The following EBF1 variants were observed in gnomAD, a reference collection of about 807,000 sequenced individuals.
The protein encoded by EBF1 is EBF transcription factor 1, also known as transcription factor COE1.
A neutral mutation model predicts 68.4 loss-of-function variants in EBF1; 10 were observed. The observed-to-expected ratio is 0.15, with a 90% CI of 0.09 to 0.25. The LOEUF (loss-of-function observed/expected upper bound fraction) is 0.25. Ranked by LOEUF, EBF1 falls within the 10% of genes least tolerant of loss-of-function variation. The pLI is 1.00. For missense variants in EBF1, 509 were observed against 794.4 expected (o/e 0.64, Z 4.32); for synonymous variants, 298 against 299.8 (o/e 0.99, Z 0.06).
intron 5 of EBF1, among the ~76,000 whole-genome samples, chr5:159,077,529 A>C (rs1778989402): frequency 6.6e-6 from 1 of 152,074 alleles, no homozygotes; most frequent in African/African-American, 2.4e-5. Flanking sequence ...TGTATTTTAT[A>C]TTCATTTGTC....
At chr5:158,771,568 T>C (rs1006476524) in intron 10 of EBF1, among the ~76,000 whole-genome samples, 3 of 152,088 alleles carry the variant, frequency 2.0e-5, no homozygotes, top group African/African-American at 7.2e-5. Context: ...CCCTTCAACA[T>C]AGTGTATAAA....
intron 10 of EBF1, among the ~76,000 whole-genome samples, chr5:158,763,042 T>A (rs1341307287): frequency 6.6e-6 from 1 of 152,206 alleles, no homozygotes; most frequent in Non-Finnish European, 1.5e-5. Flanking sequence ...TTATCCCTGA[T>A]GACCATCATC....
At chr5:158,943,331 TAC>T (rs59821779) in intron 6 of EBF1, among the ~76,000 whole-genome samples, 10,028 of 149,164 alleles carry the variant, frequency 0.067, 1,041 homozygotes, top group African/African-American at 0.23. Flanking sequence ...GTTTATTGGA[TAC>T]ACACACACAC....
intron 6 of EBF1, among the ~76,000 whole-genome samples, chr5:159,056,590 G>A (rs936865990): frequency 2.0e-5 from 3 of 152,124 alleles, no homozygotes; most frequent in Admixed American, 2.0e-4. Flanking sequence ...TCGGGCTTAG[G>A]CAAAACTGTA....
Position 158,700,017 on chromosome 5 carries a change from C to A in EBF1, c.1745-875G>T, listed in dbSNP as rs74520355. 1.0e-2 allele frequency among the ~76,000 whole-genome samples: 1,523 copies of A among 152,318 alleles called. 17 individuals carry two copies. Among genetic ancestry groups the A allele is most frequent in the Non-Finnish European group, 0.017 (1,128 of 68,014 alleles). On this transcript the variant is annotated intron_variant, in intron 15 of 15. Coordinates refer to ENST00000313708, the MANE Select transcript of EBF1 (RefSeq NM_024007.5). The stretch of plus-strand genomic sequence containing the variant: ...AGCTCAGCTTCTGTAGCTAGAATCA[C>A]AGCAACACTTAGGGTTATTGGAGAG...
At chr5:158,718,300 T>C (rs1761190241) in intron 11 of EBF1, among the ~76,000 whole-genome samples, 1 of 152,174 alleles carries the variant, frequency 6.6e-6, no homozygotes, top group East Asian at 1.9e-4. Context: ...CTTTGTCCAG[T>C]CATCTCTCCC....
At chr5:158,808,157 C>A (rs1446546409) in intron 8 of EBF1, among the ~76,000 whole-genome samples, 1 of 152,104 alleles carries the variant, frequency 6.6e-6, no homozygotes, top group Non-Finnish European at 1.5e-5. Flanking sequence ...GAATATGTAT[C>A]ATTGACTTTG....
At chr5:159,031,684 G>A (rs541833408) in intron 6 of EBF1, among the ~76,000 whole-genome samples, 10 of 152,238 alleles carry the variant, frequency 6.6e-5, no homozygotes, top group East Asian at 5.8e-4. Context: ...ATAAAGCACC[G>A]GTGATTTAGA....
intron 11 of EBF1, among the ~76,000 whole-genome samples, chr5:158,724,561 T>A (rs374903353): frequency 6.6e-6 from 1 of 152,242 alleles, no homozygotes; most frequent in East Asian, 1.9e-4. Context: ...GAATACATTG[T>A]ATACAGCCAA....
At chr5:158,712,006 CT>C in intron 14 of EBF1, 147 bp downstream of exon 14, 1 of 914,738 alleles carries the variant, frequency 1.1e-6, no homozygotes, top group Non-Finnish European at 1.6e-6. Context: ...ACGATGGTGC[CT>C]TTAGCACCAT....
intron 6 of EBF1, among the ~76,000 whole-genome samples, chr5:158,924,850 CT>C (rs1809285385): frequency 1.4e-5 from 1 of 73,326 alleles, no homozygotes; most frequent in African/African-American, 8.0e-5. Context: ...GAGACTCTGT[CT>C]CAAAAAAAAA....
At chr5:158,950,432 T>C (rs892951741) in intron 6 of EBF1, among the ~76,000 whole-genome samples, 1 of 152,186 alleles carries the variant, frequency 6.6e-6, no homozygotes, top group Non-Finnish European at 1.5e-5. Flanking sequence ...AAGCTTTCCA[T>C]TGACTACTGC....
At chr5:158,864,767 A>G (rs1795578514) in intron 6 of EBF1, among the ~76,000 whole-genome samples, 1 of 152,172 alleles carries the variant, frequency 6.6e-6, no homozygotes, top group Non-Finnish European at 1.5e-5. Flanking sequence ...GGCAAGAAGG[A>G]GCCCAGCCAT....
chr5:159,027,252 T>C (rs921876880), intron 6 of EBF1, among the ~76,000 whole-genome samples: 32 of 152,174 alleles, frequency 2.1e-4, no homozygotes, highest in African/African-American at 6.5e-4. Flanking sequence ...TTGAACACTT[T>C]TCAGAGAGCT....
At chr5:158,764,547 A>G (rs1772218582) in intron 10 of EBF1, among the ~76,000 whole-genome samples, 1 of 152,206 alleles carries the variant, frequency 6.6e-6, no homozygotes, top group Admixed American at 6.5e-5. Context: ...GAGAAAGACA[A>G]GGACACGGCC....
chr5:158,951,104 C>T (rs1215924086), intron 6 of EBF1, among the ~76,000 whole-genome samples: 1 of 152,166 alleles, frequency 6.6e-6, no homozygotes, highest in East Asian at 1.9e-4. Flanking sequence ...CTTTGCAATC[C>T]CTGAACTCTC....
At chr5:158,837,556 A>G (rs1458116974) in intron 7 of EBF1, among the ~76,000 whole-genome samples, 1 of 152,224 alleles carries the variant, frequency 6.6e-6, no homozygotes, top group East Asian at 1.9e-4. Flanking sequence ...GTGCCTCCTC[A>G]TCTCAGCAGC....
chr5:158,976,541 G>A (rs931531501), intron 6 of EBF1, among the ~76,000 whole-genome samples: 1 of 143,042 alleles, frequency 7.0e-6, no homozygotes, highest in Non-Finnish European at 1.5e-5. Context: ...AGAAAAGAAA[G>A]TATTGATCAC....
In EBF1 at chr5:158,713,033, C is replaced by A. The variant is rs149065953; in HGVS notation, c.1306G>T (p.Val436Leu). The A allele has an allele frequency of 6.3e-7, 1 of 1,578,542 alleles. No individual in the cohort carries two copies. The highest frequency in any genetic ancestry group is 8.6e-7 in the Non-Finnish European group (1 of 1,159,608). Reference sequence around the variant, plus strand: ...GCCAGTTGTCCACTGAACGAATTCACGCCCATCATCCCTGCGTGGACCGAG... The same window carrying A: ...GCCAGTTGTCCACTGAACGAATTCAAGCCCATCATCCCTGCGTGGACCGAG... ...NTSVHAGMMG[V>L]NSFSGQLAVN... Residue 436 changes from valine (V) to leucine (L), a missense_variant, in exon 13 of 16, where the codon GTG becomes TTG. Val to Leu is a conservative substitution (Grantham distance 32, BLOSUM62 1). Transcript: ENST00000313708.
Sources: gnomAD v4.1 joint callset for allele counts (sites outside exome capture counted in the v4.1 genomes callset) on GRCh38, gnomAD v4.1.1 for gene constraint, MANE v1.5 for transcripts, NCBI Gene and HGNC (gene_info 2026-07-23, HGNC 2026-07-21) for gene names.